CHRM3: variants seen among roughly 807,000 people sequenced by gnomAD.
CHRM3 encodes cholinergic receptor muscarinic 3.
A neutral mutation model predicts 41.8 loss-of-function variants in CHRM3; 11 were observed. The observed-to-expected ratio is 0.26, with a 90% CI of 0.17 to 0.44. The LOEUF (loss-of-function observed/expected upper bound fraction) is 0.44. CHRM3 is among the 20% of genes least tolerant of loss of function. The pLI is 1.00. For synonymous variants in CHRM3, 297 were observed against 301.4 expected (o/e 0.99, Z 0.15); for missense variants, 571 against 745.4 (o/e 0.77, Z 2.72).
At chr1:239,438,943 A>G (rs1414292441) in intron 1 of CHRM3, among the ~76,000 whole-genome samples, 1 of 152,222 alleles carries the variant, frequency 6.6e-6, no homozygotes, top group Non-Finnish European at 1.5e-5. Flanking sequence ...AATAATATTT[A>G]ATGTGGAATC....
At chr1:239,898,460 G>A (rs1679198234) in intron 6 of CHRM3, 1 of 152,198 alleles carries the variant, frequency 6.6e-6, no homozygotes, top group Admixed American at 6.5e-5. Flanking sequence ...CCCAAAACAA[G>A]CCCTGAAAAA....
chr1:239,754,299 C>A (rs1429285064), intron 5 of CHRM3, among the ~76,000 whole-genome samples: 2 of 152,172 alleles, frequency 1.3e-5, no homozygotes, highest in Non-Finnish European at 1.5e-5. Context: ...CATGTTGACC[C>A]ACCAATCATT....
rs1314206791 is a variant in CHRM3 at position 239,897,324 on chromosome 1, G to A, written c.-19-10109G>A. ...AAATATGGACCTGGAAAAAAAAAGC[G>A]ATCACGAGTCTAACTTAATCATGAA... On this transcript the variant is annotated intron_variant, in intron 6 of 6. Coordinates refer to ENST00000676153, the MANE Select transcript of CHRM3 (RefSeq NM_001375978.1). Among the ~76,000 whole-genome samples the A allele has an allele frequency of 5.3e-5, 8 of 152,086 alleles. No homozygotes were observed. In the South Asian group the frequency reaches 1.2e-3, roughly 24 times the overall value.
At chr1:239,440,006 T>C (rs1212821189) in intron 1 of CHRM3, among the ~76,000 whole-genome samples, 14 of 151,648 alleles carry the variant, frequency 9.2e-5, no homozygotes, top group Non-Finnish European at 1.8e-4. Flanking sequence ...GAGACTAGCC[T>C]GACCAACATG....
intron 4 of CHRM3, among the ~76,000 whole-genome samples, chr1:239,634,376 C>CA (rs1553347938): frequency 0.22 from 30,021 of 135,464 alleles, 4,041 homozygotes; most frequent in East Asian, 0.52. Flanking sequence ...CAAGAACAAA[C>CA]GAAAGAAAGA....
intron 5 of CHRM3, among the ~76,000 whole-genome samples, chr1:239,814,027 T>C (rs1372239885): frequency 6.8e-6 from 1 of 146,972 alleles, no homozygotes; most frequent in Non-Finnish European, 1.5e-5. Context: ...CATTACTCGC[T>C]TTAAGGAAAA....
intron 5 of CHRM3, among the ~76,000 whole-genome samples, chr1:239,819,770 G>A (rs1671884304): frequency 6.6e-6 from 1 of 152,190 alleles, no homozygotes; most frequent in Non-Finnish European, 1.5e-5. Context: ...TATTTGTAGT[G>A]AGGCTTGAAG....
chr1:239,841,421 T>G (rs1021068219), intron 6 of CHRM3, among the ~76,000 whole-genome samples: 2 of 152,098 alleles, frequency 1.3e-5, no homozygotes, highest in African/African-American at 4.8e-5. Context: ...ACTGTAGAGT[T>G]TCATTGTGTG....
intron 4 of CHRM3, among the ~76,000 whole-genome samples, chr1:239,639,675 G>A (rs1670885398): frequency 6.6e-6 from 1 of 151,724 alleles, no homozygotes; most frequent in South Asian, 2.1e-4. Flanking sequence ...TGAGACAATG[G>A]GGTTTTCTAG....
At chr1:239,724,373 G>C (rs991489164) in intron 5 of CHRM3, among the ~76,000 whole-genome samples, 4 of 151,954 alleles carry the variant, frequency 2.6e-5, no homozygotes, top group Admixed American at 2.6e-4. Context: ...AGATTAAGCT[G>C]TTTTCTTTTT....
intron 2 of CHRM3, among the ~76,000 whole-genome samples, chr1:239,516,392 A>G (rs1669273671): frequency 6.6e-6 from 1 of 152,226 alleles, no homozygotes; most frequent in Non-Finnish European, 1.5e-5. Flanking sequence ...TGAGAATTAG[A>G]GTAGACAGTG....
intron 5 of CHRM3, among the ~76,000 whole-genome samples, chr1:239,824,122 C>T (rs1015052469): frequency 6.6e-6 from 1 of 152,132 alleles, no homozygotes; most frequent in African/African-American, 2.4e-5. Flanking sequence ...GCATTTCACT[C>T]CAGCTCCTTG....
At chr1:239,641,196 A>G (rs570491211) in intron 4 of CHRM3, among the ~76,000 whole-genome samples, 4 of 152,258 alleles carry the variant, frequency 2.6e-5, no homozygotes, top group African/African-American at 7.2e-5. Context: ...TATGTGGTCA[A>G]TTTTGGAATC....
intron 3 of CHRM3, among the ~76,000 whole-genome samples, chr1:239,610,944 C>T (rs1247937826): frequency 1.1e-4 from 17 of 152,022 alleles, no homozygotes; most frequent in Admixed American, 3.9e-4. Flanking sequence ...CCCAGCTACT[C>T]GGGAGACTGA....
At chr1:239,597,994 G>T (rs1572854218) in intron 3 of CHRM3, among the ~76,000 whole-genome samples, 1 of 151,594 alleles carries the variant, frequency 6.6e-6, no homozygotes, top group Admixed American at 6.6e-5. Flanking sequence ...AGCGAGACTT[G>T]ACTTAGACAT....
chr1:239,572,225 A>G (rs1199990278), intron 3 of CHRM3, among the ~76,000 whole-genome samples: 2 of 152,208 alleles, frequency 1.3e-5, no homozygotes. Flanking sequence ...CCATGATGAC[A>G]TTGAGGCCCA....
intron 5 of CHRM3, among the ~76,000 whole-genome samples, chr1:239,773,174 T>C (rs1343583208): frequency 6.6e-6 from 1 of 152,174 alleles, no homozygotes; most frequent in African/African-American, 2.4e-5. Flanking sequence ...TCACTAATGA[T>C]CTGTAAGAGG....
At chr1:239,883,622 A>T (rs2102891886) in intron 6 of CHRM3, among the ~76,000 whole-genome samples, 1 of 152,308 alleles carries the variant, frequency 6.6e-6, no homozygotes, top group East Asian at 1.9e-4. Flanking sequence ...GAGGCAGAGA[A>T]ATTGAGCCTT....
intron 2 of CHRM3, among the ~76,000 whole-genome samples, chr1:239,521,903 AG>A (rs1437914945): frequency 6.6e-6 from 1 of 152,222 alleles, no homozygotes; most frequent in African/African-American, 2.4e-5. Context: ...GAATATGCAT[AG>A]GGTATATGCA....
Sources: allele counts gnomAD v4.1 joint callset (sites outside exome capture counted in the v4.1 genomes callset), GRCh38; gene constraint gnomAD v4.1.1; transcripts MANE v1.5; gene names NCBI Gene and HGNC (gene_info 2026-07-23, HGNC 2026-07-21).